The following MGAT4A variants were observed in gnomAD, a reference collection of about 807,000 sequenced individuals.
The protein encoded by MGAT4A is alpha-1,3-mannosyl-glycoprotein 4-beta-N-acetylglucosaminyltransferase A, also known as N-acetylglucosaminyltransferase IVa.
In MGAT4A, 33 loss-of-function variants were observed where a neutral mutation model predicts 74.1. That is an observed-to-expected ratio of 0.45 (90% CI 0.34 to 0.60). MGAT4A has a LOEUF of 0.60. Ranked by LOEUF, MGAT4A falls within the 20% of genes least tolerant of loss-of-function variation. The probability of loss-of-function intolerance (pLI) is 0.02; values close to 1 mark genes in which losing one functional copy is unlikely to be tolerated. For synonymous variants in MGAT4A, 198 were observed against 210.4 expected (o/e 0.94, Z 0.51); for missense variants, 479 against 628.3 (o/e 0.76, Z 2.54).
chr2:98,640,592 A>T (rs960733505), intron 10 of MGAT4A, among the ~76,000 whole-genome samples: 1 of 152,196 alleles, frequency 6.6e-6, no homozygotes, highest in Admixed American at 6.5e-5. Flanking sequence ...TGACAGAGTA[A>T]AACTCTGTCA....
intron 8 of MGAT4A, among the ~76,000 whole-genome samples, chr2:98,653,851 A>C (rs1385204177): frequency 6.6e-6 from 1 of 152,188 alleles, no homozygotes; most frequent in African/African-American, 2.4e-5. Context: ...CTGACACCAA[A>C]GCCAGACAAA....
At chr2:98,630,159 G>C (rs922676203) in intron 14 of MGAT4A, among the ~76,000 whole-genome samples, 1 of 152,218 alleles carries the variant, frequency 6.6e-6, no homozygotes, top group African/African-American at 2.4e-5. Flanking sequence ...GTGCACAAGT[G>C]TTCAAAGCAG....
rs75572382 is a variant in MGAT4A at position 98,652,844 on chromosome 2, T to A, written c.774+2601A>T. 4.1e-3 allele frequency among the ~76,000 whole-genome samples: 612 copies of A among 150,140 alleles called. 1 individual carries two copies. Among genetic ancestry groups the A allele is most frequent in the Admixed American group, 6.3e-3 (95 of 15,100 alleles). ...GTTGCCCAGACTGGTCTTGAACTCT[T>A]GAACTCCTGAACTCAAGTGACCTGC... On this transcript the variant is annotated intron_variant, in intron 8 of 15. Coordinates refer to ENST00000393487, the MANE Select transcript of MGAT4A (RefSeq NM_012214.3).
At position 98,622,303 on chromosome 2, in the gene MGAT4A, G is replaced by A. The variant is rs1701073280; in HGVS notation, c.*3263C>T. ...AGTGATGGAAAAGTTCTGCATCCGTGGTGTCAAGTGTGGTGGCCACTAGCT... is the reference window on the plus strand; with the variant it reads ...AGTGATGGAAAAGTTCTGCATCCGTAGTGTCAAGTGTGGTGGCCACTAGCT... On this transcript the variant is annotated 3_prime_UTR_variant, in exon 16 of 16. Coordinates refer to ENST00000393487, the MANE Select transcript of MGAT4A (RefSeq NM_012214.3). 1 of 985,330 alleles carries A rather than the reference G, an allele frequency of 1.0e-6. No individual in the cohort carries two copies. Among genetic ancestry groups the A allele is most frequent in the Admixed American group, 6.1e-5 (1 of 16,268 alleles). The allele number at this position is 985,330 out of a possible 1,614,324, so 61.0% of individuals were successfully genotyped here.
intron 5 of MGAT4A, among the ~76,000 whole-genome samples, chr2:98,662,821 C>T (rs780125650): frequency 2.0e-5 from 3 of 152,164 alleles, no homozygotes; most frequent in Non-Finnish European, 2.9e-5. Flanking sequence ...TAAAGATCTA[C>T]GGGTGTAACA....
At chr2:98,657,050 AT>A (rs1480642153) in intron 6 of MGAT4A, among the ~76,000 whole-genome samples, 1 of 152,164 alleles carries the variant, frequency 6.6e-6, no homozygotes, top group Non-Finnish European at 1.5e-5. Context: ...GACATTAGGG[AT>A]CCTGCCCCAC....
At chr2:98,654,173 A>G (rs1233654864) in intron 8 of MGAT4A, among the ~76,000 whole-genome samples, 1 of 152,190 alleles carries the variant, frequency 6.6e-6, no homozygotes, top group African/African-American at 2.4e-5. Context: ...AACAAAATAA[A>G]GGTAATATAT....
Position 98,643,998 on chromosome 2 carries a change from A to G in MGAT4A, c.945T>C (p.Phe315=). 6.2e-7 allele frequency: 1 copy of G among 1,605,808 alleles called. No homozygotes were observed. The highest frequency in any genetic ancestry group is 8.5e-7 in the Non-Finnish European group (1 of 1,174,216). The change falls in exon 10 of 16, where the codon TTT becomes TTC. Residue 315 remains phenylalanine (F), a synonymous_variant. Transcript: ENST00000393487. ...GCCAATCAATGGGTTTCTCCTTGTA[A>G]AACATGAATATGAATTCTACAATCA... ...LTLIVEFIFM[F]YKEKPIDWLL... is the part of the protein sequence containing the mutation.
intron 2 of MGAT4A, among the ~76,000 whole-genome samples, chr2:98,701,049 C>T (rs1017987771): frequency 6.6e-6 from 1 of 152,108 alleles, no homozygotes; most frequent in African/African-American, 2.4e-5. Context: ...TCTGCTTCTG[C>T]TATTTCTTAT....
At chr2:98,699,403 G>A (rs1575274532) in intron 2 of MGAT4A, among the ~76,000 whole-genome samples, 5 of 152,242 alleles carry the variant, frequency 3.3e-5, no homozygotes, top group Admixed American at 3.3e-4. Flanking sequence ...AGTTCCCAGA[G>A]GCCAGCCGAG....
intron 2 of MGAT4A, among the ~76,000 whole-genome samples, chr2:98,692,059 A>T (rs935967351): frequency 8.5e-5 from 13 of 152,176 alleles, no homozygotes; most frequent in Admixed American, 3.3e-4. Flanking sequence ...GTCAGTTGAA[A>T]TTTTTTTAAG....
chr2:98,657,862 A>G (rs2104262927), intron 6 of MGAT4A, among the ~76,000 whole-genome samples: 1 of 152,344 alleles, frequency 6.6e-6, no homozygotes, highest in South Asian at 2.1e-4. Flanking sequence ...ACTACGTTAA[A>G]TATCTACCCT....
chr2:98,720,411 A>T (rs1702650870), intron 2 of MGAT4A, among the ~76,000 whole-genome samples: 1 of 152,226 alleles, frequency 6.6e-6, no homozygotes. Context: ...ACCCTCAGAC[A>T]TCAGCCCAGC....
At chr2:98,655,654 AC>A (rs1213842745) in intron 7 of MGAT4A, 134 bp from the exon 8 acceptor site, 10 of 565,952 alleles carry the variant, frequency 1.8e-5, no homozygotes, top group Non-Finnish European at 2.8e-5. Context: ...ACATACACAC[AC>A]ACTCACTTAG....
At chr2:98,647,764 GTCAGTGGAAAC>G (rs1701516640) in intron 8 of MGAT4A, among the ~76,000 whole-genome samples, 1 of 152,232 alleles carries the variant, frequency 6.6e-6, no homozygotes, top group African/African-American at 2.4e-5. Context: ...GTATGATGCT[GTCAGTGGAAAC>G]TCCATTCCAA....
intron 2 of MGAT4A, among the ~76,000 whole-genome samples, chr2:98,715,557 C>T (rs951554294): frequency 6.6e-6 from 1 of 152,076 alleles, no homozygotes; most frequent in Non-Finnish European, 1.5e-5. Flanking sequence ...AACAGAAAAC[C>T]AAATACCCCA....
intron 2 of MGAT4A, among the ~76,000 whole-genome samples, chr2:98,720,601 T>A (rs1387580283): frequency 6.8e-6 from 1 of 146,418 alleles, no homozygotes; most frequent in Non-Finnish European, 1.5e-5. Context: ...ATAAATCTTG[T>A]GTGTGCGTGC....
rs1208658441 is a variant in MGAT4A at position 98,656,387 on chromosome 2, T to C, written c.663A>G (p.Leu221=). ...CTTTGGAGTCTCCAAATGTCTCCTT[T>C]AGGTTTGTCAAGTCAGGATAATAGC... The part of the protein sequence containing the change: ...PESYYPDLTN[L]KETFGDSKER... The change falls in exon 7 of 16, where the codon CTA becomes CTG. Residue 221 remains leucine (L), a synonymous_variant. Transcript: ENST00000393487. 3 of 1,611,098 alleles carry C rather than the reference T, an allele frequency of 1.9e-6. No homozygotes were observed. Among genetic ancestry groups the C allele is most frequent in the African/African-American group, 1.3e-5 (1 of 74,946 alleles).
At chr2:98,680,321 G>T (rs1275925061) in intron 2 of MGAT4A, among the ~76,000 whole-genome samples, 1 of 152,176 alleles carries the variant, frequency 6.6e-6, no homozygotes, top group Non-Finnish European at 1.5e-5. Flanking sequence ...TGGAATTACA[G>T]GCATGAGCCA....
Sources: gnomAD v4.1 joint callset for allele counts (sites outside exome capture counted in the v4.1 genomes callset) on GRCh38, gnomAD v4.1.1 for gene constraint, MANE v1.5 for transcripts, NCBI Gene and HGNC (gene_info 2026-07-23, HGNC 2026-07-21) for gene names.